The following FBXL17 variants were observed in gnomAD, a reference collection of about 807,000 sequenced individuals.
The protein encoded by FBXL17 is F-box and leucine rich repeat protein 17.
FBXL17 carries 22 observed loss-of-function variants against 66.2 expected under a neutral mutation model. That is an observed-to-expected ratio of 0.33 (90% CI 0.24 to 0.47). The LOEUF is 0.47. FBXL17 is among the 20% of genes least tolerant of loss of function. The probability of loss-of-function intolerance (pLI) is 1.00; values close to 1 mark genes in which losing one functional copy is unlikely to be tolerated. For synonymous variants in FBXL17, 474 were observed against 400.5 expected (o/e 1.18, Z -2.19); for missense variants, 878 against 948.2 (o/e 0.93, Z 0.97).
intron 6 of FBXL17, among the ~76,000 whole-genome samples, chr5:108,074,160 G>C (rs1748452387): frequency 6.6e-6 from 1 of 152,142 alleles, no homozygotes; most frequent in South Asian, 2.1e-4. Context: ...ACATTAATAT[G>C]AGCGGTCCAT....
At chr5:108,096,330 C>T (rs2149935398) in intron 6 of FBXL17, among the ~76,000 whole-genome samples, 1 of 152,254 alleles carries the variant, frequency 6.6e-6, no homozygotes, top group East Asian at 1.9e-4. Flanking sequence ...CAGACATGAG[C>T]ATAACAGCTC....
chr5:108,213,795 G>A (rs1033260916), intron 5 of FBXL17, among the ~76,000 whole-genome samples: 1 of 152,204 alleles, frequency 6.6e-6, no homozygotes, highest in African/African-American at 2.4e-5. Flanking sequence ...TACGTGTGTG[G>A]TGGTATTTTA....
intron 5 of FBXL17, among the ~76,000 whole-genome samples, chr5:108,187,437 C>T (rs1317646639): frequency 6.6e-6 from 1 of 152,136 alleles, no homozygotes; most frequent in Non-Finnish European, 1.5e-5. Flanking sequence ...GGGAGATTAT[C>T]CCAGGTTATC....
At chr5:108,007,039 T>G (rs937073960) in intron 7 of FBXL17, among the ~76,000 whole-genome samples, 1 of 152,192 alleles carries the variant, frequency 6.6e-6, no homozygotes. Flanking sequence ...TGCTGCCAGA[T>G]TGCAGGGAAC....
intron 7 of FBXL17, among the ~76,000 whole-genome samples, chr5:108,014,362 G>C (rs1180552633): frequency 6.6e-6 from 1 of 152,048 alleles, no homozygotes; most frequent in African/African-American, 2.4e-5. Context: ...AGAAAGTTAA[G>C]GGGTAAGCAC....
rs567397866 is a variant in FBXL17, at chr5:108,015,397, A to G, written c.1822+5528T>C. On this transcript the variant is annotated intron_variant, in intron 7 of 8. Transcript: ENST00000542267. ...TTCTAACATTCTTCTCTATCACCTT[A>G]CAACTATTAGAGTTATTCCTGCTGA... 1.1e-3 allele frequency among the ~76,000 whole-genome samples: 169 copies of G among 152,312 alleles called. 1 individual carries two copies. Among genetic ancestry groups the G allele is most frequent in the African/African-American group, 3.9e-3 (164 of 41,578 alleles).
At chr5:108,301,244 T>TG (rs1758575336) in intron 4 of FBXL17, among the ~76,000 whole-genome samples, 1 of 151,764 alleles carries the variant, frequency 6.6e-6, no homozygotes, top group Admixed American at 6.6e-5. Flanking sequence ...AGGGGACACA[T>TG]ATGTATATAG....
chr5:107,943,803 G>C (rs6877151), intron 7 of FBXL17, among the ~76,000 whole-genome samples: 10 of 152,142 alleles, frequency 6.6e-5, no homozygotes, highest in Non-Finnish European at 4.4e-5. Flanking sequence ...TGGTCCTTCA[G>C]AGAAAGTTTG....
chr5:108,241,236 T>G lies in FBXL17; in HGVS notation c.1507-17008A>C, dbSNP rs143845508. Among the ~76,000 whole-genome samples, 1,001 of 152,308 alleles carry G rather than the reference T, an allele frequency of 6.6e-3. 9 individuals are homozygous for G. The highest frequency in any genetic ancestry group is 0.023 in the African/African-American group (959 of 41,568). ...TTCAAAATAGCTGTTCTGAGGAAAC[T>G]CAATGAAATTCAAGATAACGCAGAG... is the stretch of plus-strand genomic sequence containing the variant. On this transcript the variant is annotated intron_variant, in intron 4 of 8. Transcript: ENST00000542267.
chr5:108,201,574 T>A (rs2150049527), intron 5 of FBXL17, among the ~76,000 whole-genome samples: 1 of 152,284 alleles, frequency 6.6e-6, no homozygotes, highest in East Asian at 1.9e-4. Flanking sequence ...TTTAACTCTG[T>A]AATTCTCAAT....
chr5:108,094,039 A>G (rs1334987957), intron 6 of FBXL17, among the ~76,000 whole-genome samples: 1 of 152,274 alleles, frequency 6.6e-6, no homozygotes, highest in East Asian at 1.9e-4. Context: ...CTATGGATTA[A>G]AAATCAAAAT....
intron 4 of FBXL17, among the ~76,000 whole-genome samples, chr5:108,251,100 T>G (rs1023880213): frequency 3.9e-5 from 6 of 152,114 alleles, no homozygotes; most frequent in African/African-American, 1.4e-4. Flanking sequence ...TCTGCAATAA[T>G]TTCTTGCAGT....
At chr5:108,265,940 A>G (rs1757028682) in intron 4 of FBXL17, among the ~76,000 whole-genome samples, 1 of 152,168 alleles carries the variant, frequency 6.6e-6, no homozygotes, top group East Asian at 1.9e-4. Flanking sequence ...TTTAACTTTT[A>G]CAGAAATGCA....
intron 8 of FBXL17, chr5:107,878,663 T>C: frequency 1.0e-6 from 1 of 985,460 alleles, no homozygotes; most frequent in South Asian, 4.7e-5. Flanking sequence ...ATGGATGGCA[T>C]GATACAAAAT....
chr5:108,094,998 G>A (rs1749317663), intron 6 of FBXL17, among the ~76,000 whole-genome samples: 1 of 151,926 alleles, frequency 6.6e-6, no homozygotes, highest in African/African-American at 2.4e-5. Flanking sequence ...TCACACTGAG[G>A]AAAAAACTTG....
intron 4 of FBXL17, among the ~76,000 whole-genome samples, chr5:108,226,997 G>A (rs1755128708): frequency 6.6e-6 from 1 of 152,068 alleles, no homozygotes; most frequent in Non-Finnish European, 1.5e-5. Context: ...TGGAGATCTT[G>A]GAACTTCTCA....
At chr5:107,964,395 C>T (rs184560489) in intron 7 of FBXL17, among the ~76,000 whole-genome samples, 20 of 148,982 alleles carry the variant, frequency 1.3e-4, no homozygotes, top group Middle Eastern at 3.5e-3. Flanking sequence ...ATAAACATTA[C>T]GAAATTACTG....
chr5:108,148,170 G>T (rs1179757765), intron 6 of FBXL17, among the ~76,000 whole-genome samples: 3 of 152,092 alleles, frequency 2.0e-5, no homozygotes, highest in African/African-American at 4.8e-5. Context: ...GAGAAAAGAA[G>T]TAAGTCTGAC....
Position 107,859,594 on chromosome 5 carries a change from C to G in FBXL17, c.*2126G>C, listed in dbSNP as rs1043172384. The G allele has an allele frequency of 1.6e-5, 2 of 125,124 alleles. No homozygotes were observed. The highest frequency in any genetic ancestry group is 1.0e-4 in the Admixed American group (1 of 9,534). The allele number at this position is 125,124 out of a possible 1,614,324, so 7.8% of individuals were successfully genotyped here. ...AGCTAAAGCATGTTATAGTGCTGTACTTTAGATTCAAACAATGCAACATTT... is the reference window on the plus strand; with the variant it reads ...AGCTAAAGCATGTTATAGTGCTGTAGTTTAGATTCAAACAATGCAACATTT... On this transcript the variant is annotated 3_prime_UTR_variant, in exon 9 of 9. Transcript: ENST00000542267.
Sources: allele counts gnomAD v4.1 joint callset (sites outside exome capture counted in the v4.1 genomes callset), GRCh38; gene constraint gnomAD v4.1.1; transcripts MANE v1.5; gene names NCBI Gene and HGNC (gene_info 2026-07-23, HGNC 2026-07-21).